MYH15: variants seen among roughly 807,000 people sequenced by gnomAD.
MYH15 encodes myosin-15.
MYH15 carries 227 observed loss-of-function variants against 240.5 expected under a neutral mutation model. The observed-to-expected ratio is 0.94, with a 90% confidence interval of 0.85 to 1.05. The LOEUF (loss-of-function observed/expected upper bound fraction) is 1.05, where lower values mean the gene tolerates loss of function less well. Among genes scored for constraint, MYH15 ranks in the 50% least tolerant of loss-of-function variants. MYH15 has a pLI of 0.00. For missense variants in MYH15, 2,217 were observed against 2,247.5 expected (o/e 0.99, Z 0.27); for synonymous variants, 785 against 796.7 (o/e 0.99, Z 0.25).
At position 108,381,376 on chromosome 3, in the gene MYH15, G is replaced by A; in HGVS notation, c.*169C>T. ...GGATCAAAAAATCCCCATTAACTGT[G>A]GAAGCAATGATATTCCCTTTAATTA... is the stretch of plus-strand genomic sequence containing the variant. On this transcript the variant is annotated 3_prime_UTR_variant, in exon 41 of 41. Coordinates refer to ENST00000693548, the MANE Select transcript of MYH15 (RefSeq NM_014981.3). 1 of 736,120 alleles carries A rather than the reference G, an allele frequency of 1.4e-6. No homozygotes were observed. The highest frequency in any genetic ancestry group is 2.3e-6 in the Non-Finnish European group (1 of 430,648). The allele number at this position is 736,120 out of a possible 1,614,324, so 45.6% of individuals were successfully genotyped here.
In MYH15 at chr3:108,384,553, A is replaced by G. The variant is rs945940185; in HGVS notation, c.5631+134T>C. 8.2e-5 allele frequency: 61 copies of G among 745,052 alleles called. No homozygotes were observed. In the African/African-American group the frequency reaches 9.9e-4, roughly 12 times the overall value. The allele number at this position is 745,052 out of a possible 1,614,324, so 46.2% of individuals were successfully genotyped here. A position where few individuals can be genotyped will look rare whatever the true frequency, so the allele number is the denominator to read the frequency against. ...GTGAGAATTCTAACTTGAGAAAAAA[A>G]ACTGAGGATGAGCAGACTCTAAGCT... On this transcript the variant is annotated intron_variant, in intron 39 of 40. Transcript: ENST00000693548.
chr3:108,464,916 A>C (rs2083102381), intron 14 of MYH15, 102 bp from the exon 15 acceptor site: 1 of 1,009,544 alleles, frequency 9.9e-7, no homozygotes, highest in African/African-American at 1.6e-5. Flanking sequence ...CAGTTGACAA[A>C]GGGAAGAATA....
At chr3:108,410,981 G>A (rs1310496853) in intron 30 of MYH15, 49 bp from the exon 31 acceptor site, 3 of 1,472,854 alleles carry the variant, frequency 2.0e-6, no homozygotes, top group Non-Finnish European at 2.8e-6. Flanking sequence ...AACTCTCAGA[G>A]AGCTCATCAA....
chr3:108,423,557 T>TGTCTGCACA (rs1308626296), intron 27 of MYH15, among the ~76,000 whole-genome samples: 1 of 152,246 alleles, frequency 6.6e-6, no homozygotes, highest in Non-Finnish European at 1.5e-5. Flanking sequence ...ATTTTTAGGT[T>TGTCTGCACA]GTCTGCACAG....
Position 108,501,742 on chromosome 3 carries a change from C to T in MYH15, c.309G>A (p.Leu103=). The T allele has an allele frequency of 6.2e-7, 1 of 1,614,104 alleles. No individual in the cohort carries two copies. The highest frequency in any genetic ancestry group is 8.5e-7 in the Non-Finnish European group (1 of 1,179,968). ...HLNEASVLHT[L]KRRYGQWMIY... ...TCATCCACTGGCCATAGCGCCGCTTCAGGGTATGCAGCACGGATGCCTCAT... is the reference window on the plus strand; with the variant it reads ...TCATCCACTGGCCATAGCGCCGCTTTAGGGTATGCAGCACGGATGCCTCAT... The change falls in exon 3 of 41, where the codon CTG becomes CTA. Residue 103 remains leucine (L), a synonymous_variant. Transcript: ENST00000693548.
intron 14 of MYH15, among the ~76,000 whole-genome samples, chr3:108,469,673 T>C (rs2083154176): frequency 1.3e-5 from 2 of 152,256 alleles, no homozygotes; most frequent in Non-Finnish European, 1.5e-5. Flanking sequence ...CTGGGTCTAC[T>C]CATTCACCTT....
At chr3:108,413,461 G>T (rs1381056812) in intron 30 of MYH15, among the ~76,000 whole-genome samples, 1 of 152,126 alleles carries the variant, frequency 6.6e-6, no homozygotes, top group East Asian at 1.9e-4. Context: ...ATCTTCCCTG[G>T]ATTTTTGCCA....
chr3:108,453,054 G>C (rs1488289707), intron 21 of MYH15, among the ~76,000 whole-genome samples: 1 of 152,116 alleles, frequency 6.6e-6, no homozygotes, highest in African/African-American at 2.4e-5. Context: ...TTATTTACTT[G>C]AGAGCTTTCA....
rs556618577 is a variant in MYH15 at position 108,453,834 on chromosome 3, A to T, written c.2399+172T>A. Among the ~76,000 whole-genome samples, 14 of 152,336 alleles carry T rather than the reference A, an allele frequency of 9.2e-5. 1 individual carries two copies. Among genetic ancestry groups the T allele is most frequent in the African/African-American group, 3.1e-4 (13 of 41,590 alleles). ...TGCTTATATTTGGTTGAATAGGGCA[A>T]TAAAAGCCCTTTGCACTCTGTCCTT... On this transcript the variant is annotated intron_variant, in intron 21 of 40. Coordinates refer to ENST00000693548, the MANE Select transcript of MYH15 (RefSeq NM_014981.3).
intron 3 of MYH15, 86 bp downstream of exon 3, chr3:108,501,626 C>T (rs1485716587): frequency 3.2e-6 from 5 of 1,548,438 alleles, no homozygotes; most frequent in Non-Finnish European, 4.4e-6. Context: ...CATGCTTAAA[C>T]TCAATGTAAG....
chr3:108,433,929 C>T (rs1435772087), intron 25 of MYH15, among the ~76,000 whole-genome samples: 1 of 152,102 alleles, frequency 6.6e-6, no homozygotes, highest in African/African-American at 2.4e-5. Flanking sequence ...AGTGTAAATC[C>T]TTCCAGAAAT....
At position 108,470,245 on chromosome 3, in the gene MYH15, T is replaced by TAA. The variant is rs778876459; in HGVS notation, c.1384-35_1384-34dup. 75 of 1,475,066 alleles carry TAA rather than the reference T, an allele frequency of 5.1e-5. 1 individual carries two copies. In the East Asian group the frequency reaches 1.6e-3, roughly 31 times the overall value. 91.4% of individuals were successfully genotyped at this position (1,475,066 alleles called of 1,614,324 possible). Reference sequence around the variant, plus strand: ...GATATGAATAGGTAAGAAGAAGAGATAAAAATAAAATTGAGGTCCACTTTC... The same window carrying TAA: ...GATATGAATAGGTAAGAAGAAGAGATAAAAAAATAAAATTGAGGTCCACTTTC... On this transcript the variant is annotated intron_variant, in intron 13 of 40. Transcript: ENST00000693548.
intron 7 of MYH15, among the ~76,000 whole-genome samples, chr3:108,494,692 C>T (rs1368758672): frequency 6.6e-6 from 1 of 152,150 alleles, no homozygotes; most frequent in Non-Finnish European, 1.5e-5. Context: ...CAAAGTCTCA[C>T]TGTGTTATCC....
chr3:108,475,646 T>C (rs1454688521), intron 12 of MYH15, among the ~76,000 whole-genome samples: 2 of 152,236 alleles, frequency 1.3e-5, no homozygotes, highest in Admixed American at 1.3e-4. Context: ...GAAGGCTGTA[T>C]ACTCTGTATT....
At position 108,463,177 on chromosome 3, in the gene MYH15, C is replaced by G; in HGVS notation, c.1798G>C (p.Val600Leu). The change falls in exon 16 of 41, where the codon GTA (valine) becomes CTA (leucine). Residue 600 changes from valine to leucine, a missense_variant. By Grantham distance (32) the Val-to-Leu change is conservative. Transcript: ENST00000693548. ...KDLLNETVVAVFQKSSNRLLA... is the reference protein window; with the variant it reads ...KDLLNETVVALFQKSSNRLLA... ...AGTCTGTTGGAAGACTTCTGAAATACAGCTACCACTGTTTCATTAAGGAGG... is the reference window on the plus strand; with the variant it reads ...AGTCTGTTGGAAGACTTCTGAAATAGAGCTACCACTGTTTCATTAAGGAGG... 2 of 1,613,336 alleles carry G rather than the reference C, an allele frequency of 1.2e-6. No individual in the cohort carries two copies. Among genetic ancestry groups the G allele is most frequent in the Non-Finnish European group, 1.7e-6 (2 of 1,179,536 alleles).
upstream of MYH15, among the ~76,000 whole-genome samples, chr3:108,531,361 C>T (rs1295017740): frequency 2.0e-5 from 3 of 152,080 alleles, no homozygotes; most frequent in East Asian, 5.8e-4. Flanking sequence ...GTGGCCTGTG[C>T]GTTGTAAAGT....
chr3:108,408,639 C>CT (rs1305211461), intron 31 of MYH15, among the ~76,000 whole-genome samples: 1 of 152,156 alleles, frequency 6.6e-6, no homozygotes, highest in Admixed American at 6.5e-5. Flanking sequence ...GAGGGTGGTG[C>CT]TTCAGAGTAT....
intron 21 of MYH15, among the ~76,000 whole-genome samples, chr3:108,446,974 A>G (rs1170150821): frequency 6.6e-6 from 1 of 152,228 alleles, no homozygotes; most frequent in Non-Finnish European, 1.5e-5. Context: ...AGAACAACTA[A>G]ACAAAGTGAG....
intron 32 of MYH15, among the ~76,000 whole-genome samples, chr3:108,406,750 C>T (rs981098788): frequency 3.3e-5 from 5 of 152,058 alleles, no homozygotes; most frequent in Admixed American, 6.5e-5. Flanking sequence ...GGAGAAAATG[C>T]GAATAGAATG....
Sources: gnomAD v4.1 joint callset for allele counts (sites outside exome capture counted in the v4.1 genomes callset) on GRCh38, gnomAD v4.1.1 for gene constraint, MANE v1.5 for transcripts, NCBI Gene and HGNC (gene_info 2026-07-23, HGNC 2026-07-21) for gene names.